The following PLXDC1 variants were observed in gnomAD, a reference collection of about 807,000 sequenced individuals.
The protein encoded by PLXDC1 is plexin domain-containing protein 1.
Under a neutral mutation model 61.3 loss-of-function variants are expected in PLXDC1, and 39 were observed. That is an observed-to-expected ratio of 0.64 (90% CI 0.49 to 0.83). The LOEUF is 0.83. PLXDC1 is among the 40% of genes least tolerant of loss of function. PLXDC1 has a pLI of 0.00. For synonymous variants in PLXDC1, 212 were observed against 254.5 expected (o/e 0.83, Z 1.59); for missense variants, 596 against 666.5 (o/e 0.89, Z 1.17).
At chr17:39,128,097 G>GTATGTATA (rs1911380355) in intron 2 of PLXDC1, among the ~76,000 whole-genome samples, 1 of 67,478 alleles carries the variant, frequency 1.5e-5, no homozygotes, top group Non-Finnish European at 2.7e-5. Context: ...CTCTCTATGT[G>GTATGTATA]TATATATATA....
rs904069956 is a variant in PLXDC1, at chr17:39,108,845, C to T, written c.469+59G>A. 5 of 1,156,148 alleles carry T rather than the reference C, an allele frequency of 4.3e-6. No individual in the cohort carries two copies. In the African/African-American group the frequency reaches 7.5e-5, roughly 17 times the overall value. The allele number at this position is 1,156,148 out of a possible 1,614,324, so 71.6% of individuals were successfully genotyped here. On this transcript the variant is annotated intron_variant, in intron 4 of 13. Coordinates refer to ENST00000315392, the MANE Select transcript of PLXDC1 (RefSeq NM_020405.5). ...CTCCAGTGAGCCACCCCTGGGAGGGCCCCTGAGTTCGGGCTGAGGTCTCCA... is the reference window on the plus strand; with the variant it reads ...CTCCAGTGAGCCACCCCTGGGAGGGTCCCTGAGTTCGGGCTGAGGTCTCCA...
intron 2 of PLXDC1, among the ~76,000 whole-genome samples, chr17:39,116,474 T>C (rs1910969186): frequency 6.6e-6 from 1 of 152,188 alleles, no homozygotes; most frequent in Admixed American, 6.5e-5. Context: ...GCAGTGTGGC[T>C]CTGACAAGGA....
chr17:39,102,990 G>A (rs895959802), intron 7 of PLXDC1, among the ~76,000 whole-genome samples: 4 of 152,172 alleles, frequency 2.6e-5, no homozygotes, highest in Non-Finnish European at 5.9e-5. Context: ...GCCAAGGAGG[G>A]TGGATCACAA....
chr17:39,084,209 A>G (rs558638807), intron 8 of PLXDC1, among the ~76,000 whole-genome samples: 18 of 152,358 alleles, frequency 1.2e-4, no homozygotes, highest in Admixed American at 1.0e-3. Context: ...AGGTCAGAGC[A>G]TACAAAGTAG....
chr17:39,109,396 C>G lies in PLXDC1; in HGVS notation c.256-5G>C, dbSNP rs375841198. ...ATAATAGCTGTGGTTGTCCTCCTGCCGGCACCCAAGATAAAGCCCACAGGA... is the reference window on the plus strand; with the variant it reads ...ATAATAGCTGTGGTTGTCCTCCTGCGGGCACCCAAGATAAAGCCCACAGGA... On this transcript the variant is annotated splice_polypyrimidine_tract_variant and splice_region_variant and intron_variant, in intron 2 of 13. Coordinates refer to ENST00000315392, the MANE Select transcript of PLXDC1 (RefSeq NM_020405.5). 3.8e-6 allele frequency: 6 copies of G among 1,580,340 alleles called. No homozygotes were observed. Among genetic ancestry groups the G allele is most frequent in the African/African-American group, 1.3e-5 (1 of 74,536 alleles).
chr17:39,140,707 CTTATTTCTCTGGCAGAAATGG>C (rs1911910411), intron 1 of PLXDC1, among the ~76,000 whole-genome samples: 1 of 152,210 alleles, frequency 6.6e-6, no homozygotes, highest in African/African-American at 2.4e-5. Flanking sequence ...AAACCAGTTT[CTTATTTCTCTGGCAGAAATGG>C]CACATAATCC....
intron 5 of PLXDC1, chr17:39,107,850 C>T (rs1277164497): frequency 3.5e-6 from 2 of 569,164 alleles, no homozygotes; most frequent in Admixed American, 3.0e-5. Context: ...AAGGGACATC[C>T]TGGTGAATGT....
chr17:39,121,547 T>C (rs911149783), intron 2 of PLXDC1, among the ~76,000 whole-genome samples: 60 of 152,308 alleles, frequency 3.9e-4, no homozygotes, highest in African/African-American at 1.4e-3. Flanking sequence ...ATTCACCAAC[T>C]TTGGGGATAC....
intron 8 of PLXDC1, among the ~76,000 whole-genome samples, chr17:39,086,963 G>C (rs1467112369): frequency 2.0e-5 from 3 of 151,920 alleles, no homozygotes; most frequent in African/African-American, 7.3e-5. Flanking sequence ...CAAGATGGGA[G>C]AGGAAATGAA....
chr17:39,072,748 C>T (rs1179014496), intron 11 of PLXDC1, among the ~76,000 whole-genome samples: 2 of 152,084 alleles, frequency 1.3e-5, no homozygotes, highest in Non-Finnish European at 2.9e-5. Context: ...AGGCCATGCA[C>T]GTTCTTCTGT....
At chr17:39,130,944 C>G (rs1246243278) in intron 2 of PLXDC1, among the ~76,000 whole-genome samples, 1 of 152,026 alleles carries the variant, frequency 6.6e-6, no homozygotes, top group Non-Finnish European at 1.5e-5. Context: ...AACACACCAC[C>G]CTGCCCAAGG....
intron 2 of PLXDC1, among the ~76,000 whole-genome samples, chr17:39,129,777 A>G (rs1468924058): frequency 3.9e-4 from 45 of 116,552 alleles, no homozygotes; most frequent in Admixed American, 3.6e-3. Context: ...GAGAGAAAGA[A>G]AAAGAAAGAA....
chr17:39,093,206 C>G (rs1045077315), intron 7 of PLXDC1, among the ~76,000 whole-genome samples: 3 of 152,112 alleles, frequency 2.0e-5, no homozygotes, highest in South Asian at 2.1e-4. Flanking sequence ...CCAGCTCCAC[C>G]TCCCCCACCA....
chr17:39,116,834 C>T (rs1376916357), intron 2 of PLXDC1, among the ~76,000 whole-genome samples: 1 of 152,242 alleles, frequency 6.6e-6, no homozygotes, highest in East Asian at 1.9e-4. Context: ...CCTATAGCCA[C>T]TGAGGCAGCA....
chr17:39,091,647 C>T (rs748527985), intron 7 of PLXDC1, among the ~76,000 whole-genome samples: 3 of 152,070 alleles, frequency 2.0e-5, no homozygotes, highest in Non-Finnish European at 4.4e-5. Context: ...GAGACTCAGA[C>T]ATATCAGGTT....
intron 11 of PLXDC1, among the ~76,000 whole-genome samples, chr17:39,074,030 TC>T (rs1223972233): frequency 6.6e-6 from 1 of 151,982 alleles, no homozygotes; most frequent in Non-Finnish European, 1.5e-5. Context: ...GAGTGCTGGG[TC>T]CCTTCATTCA....
At chr17:39,071,799 T>C (rs1216320251) in intron 12 of PLXDC1, among the ~76,000 whole-genome samples, 1 of 152,092 alleles carries the variant, frequency 6.6e-6, no homozygotes, top group Non-Finnish European at 1.5e-5. Flanking sequence ...ATCTTTCCTC[T>C]CCTGCTGGAA....
At chr17:39,101,309 C>T (rs981999268) in intron 7 of PLXDC1, among the ~76,000 whole-genome samples, 2 of 152,170 alleles carry the variant, frequency 1.3e-5, no homozygotes, top group African/African-American at 2.4e-5. Flanking sequence ...TATCACGTAT[C>T]GAGTAGGTGC....
At chr17:39,103,214 CAAA>C (rs11299109) in intron 7 of PLXDC1, among the ~76,000 whole-genome samples, 2 of 128,822 alleles carry the variant, frequency 1.6e-5, no homozygotes. Flanking sequence ...GACTCCGTCT[CAAA>C]AAAAAAAAAA....
Sources: gnomAD v4.1 joint callset for allele counts (sites outside exome capture counted in the v4.1 genomes callset) on GRCh38, gnomAD v4.1.1 for gene constraint, MANE v1.5 for transcripts, NCBI Gene and HGNC (gene_info 2026-07-23, HGNC 2026-07-21) for gene names.